YAP1: variants seen among roughly 807,000 people sequenced by gnomAD.
YAP1 encodes Yes1 associated transcriptional regulator.
Under a neutral mutation model 56.9 loss-of-function variants are expected in YAP1, and 5 were observed. The observed-to-expected ratio is 0.09, with a 90% confidence interval of 0.05 to 0.18. The LOEUF (loss-of-function observed/expected upper bound fraction) is 0.18, where lower values mean the gene tolerates loss of function less well. Among genes scored for constraint, YAP1 ranks in the 10% least tolerant of loss-of-function variants. YAP1 has a pLI of 1.00. For synonymous variants in YAP1, 265 were observed against 248.1 expected, an observed-to-expected ratio of 1.07 and a Z score of -0.64; for missense variants, 539 against 651.8, an observed-to-expected ratio of 0.83 and a Z score of 1.88.
chr11:102,170,404 A>G (rs1259289285), intron 3 of YAP1, among the ~76,000 whole-genome samples: 4 of 152,192 alleles, frequency 2.6e-5, no homozygotes, highest in Non-Finnish European at 4.4e-5. Context: ...CACAGTAACT[A>G]TCTAAATCTC....
intron 3 of YAP1, among the ~76,000 whole-genome samples, chr11:102,170,998 T>C (rs1385378848): frequency 6.6e-6 from 1 of 151,576 alleles, no homozygotes; most frequent in Non-Finnish European, 1.5e-5. Context: ...AAAATTTAGA[T>C]CCATGAGTAT....
At chr11:102,111,540 G>C (rs1942910227) in intron 1 of YAP1, among the ~76,000 whole-genome samples, 2 of 151,832 alleles carry the variant, frequency 1.3e-5, no homozygotes, top group Admixed American at 6.6e-5. Context: ...CCTGGGCCGC[G>C]GTGGGCTTGC....
intron 4 of YAP1, among the ~76,000 whole-genome samples, chr11:102,194,699 G>A (rs1253075251): frequency 6.6e-6 from 1 of 152,118 alleles, no homozygotes; most frequent in Non-Finnish European, 1.5e-5. Flanking sequence ...TTTCAAAAAG[G>A]CACATAGGAA....
At chr11:102,225,307 G>A (rs965972830) in intron 7 of YAP1, among the ~76,000 whole-genome samples, 2 of 152,020 alleles carry the variant, frequency 1.3e-5, no homozygotes, top group Non-Finnish European at 1.5e-5. Context: ...CCAACATGGC[G>A]AAACCCCATC....
At position 102,168,094 on chromosome 11, in the gene YAP1, T is replaced by C. The variant is rs1052241523; in HGVS notation, c.688+5523T>C. Among the ~76,000 whole-genome samples the C allele has an allele frequency of 7.9e-5, 12 of 152,310 alleles. No homozygotes were observed. The South Asian group carries it at 2.1e-3, about 26-fold the overall frequency. ...GTTATTATATATAATAGCCTTTTGA[T>C]GCCTGCTTAGGATCCGTAGTTTTTC... is the stretch of plus-strand genomic sequence containing the variant. On this transcript the variant is annotated intron_variant, in intron 3 of 8. Transcript: ENST00000282441.
At chr11:102,117,803 C>T (rs1943384798) in intron 2 of YAP1, among the ~76,000 whole-genome samples, 1 of 152,198 alleles carries the variant, frequency 6.6e-6, no homozygotes, top group Admixed American at 6.5e-5. Context: ...ACTACATTTA[C>T]TATTCAAAAC....
At chr11:102,136,368 A>G (rs1239646177) in intron 2 of YAP1, among the ~76,000 whole-genome samples, 1 of 147,950 alleles carries the variant, frequency 6.8e-6, no homozygotes, top group Non-Finnish European at 1.5e-5. Flanking sequence ...TTTTTAAAAC[A>G]GGGTCTCCGT....
At chr11:102,127,051 T>C (rs910376756) in intron 2 of YAP1, among the ~76,000 whole-genome samples, 1 of 152,206 alleles carries the variant, frequency 6.6e-6, no homozygotes, top group Non-Finnish European at 1.5e-5. Context: ...AAAAGGTGAC[T>C]TGGGTGCTGT....
chr11:102,117,792 T>G (rs1943383752), intron 2 of YAP1, among the ~76,000 whole-genome samples: 1 of 152,246 alleles, frequency 6.6e-6, no homozygotes, highest in Non-Finnish European at 1.5e-5. Context: ...ATATTTGTTC[T>G]ACTACATTTA....
chr11:102,115,550 TAC>T (rs1172987249), intron 2 of YAP1, among the ~76,000 whole-genome samples: 1 of 123,778 alleles, frequency 8.1e-6, no homozygotes. Context: ...GAAAAGTTCG[TAC>T]AGTTTTTTTT....
intron 4 of YAP1, among the ~76,000 whole-genome samples, chr11:102,203,200 A>G (rs1260563714): frequency 6.6e-6 from 1 of 152,172 alleles, no homozygotes; most frequent in African/African-American, 2.4e-5. Context: ...ATGAATTTGC[A>G]TTTCTAAAAC....
At chr11:102,193,887 G>A (rs1948435701) in intron 4 of YAP1, among the ~76,000 whole-genome samples, 1 of 148,802 alleles carries the variant, frequency 6.7e-6, no homozygotes, top group Admixed American at 6.8e-5. Context: ...CGCCCAGGCT[G>A]GAGTGCAGTG....
In YAP1 at chr11:102,230,093, CT is replaced by C. The variant is rs2135730653; in HGVS notation, c.*155del. ...ACTTTAATCCTCTATTTTGCTCTTC[CT>C]TGTCCATTGCTGCTGTTAATGTATT... On this transcript the variant is annotated 3_prime_UTR_variant, in exon 9 of 9. Coordinates refer to ENST00000282441, the MANE Select transcript of YAP1 (RefSeq NM_001130145.3). 3.0e-6 allele frequency: 2 copies of C among 661,808 alleles called. No homozygotes were observed. Among genetic ancestry groups the C allele is most frequent in the South Asian group, 3.9e-5 (2 of 51,096 alleles). 41.0% of individuals were successfully genotyped at this position (661,808 alleles called of 1,614,324 possible).
chr11:102,162,419 T>A, intron 2 of YAP1, 37 bp from the exon 3 acceptor site: 7 of 1,573,496 alleles, frequency 4.4e-6, no homozygotes, highest in Non-Finnish European at 6.1e-6. Context: ...TGGAACCTGG[T>A]ATTTGTTTCC....
At chr11:102,111,660 C>T (rs1386816533) in intron 1 of YAP1, among the ~76,000 whole-genome samples, 1 of 152,154 alleles carries the variant, frequency 6.6e-6, no homozygotes, top group Non-Finnish European at 1.5e-5. Flanking sequence ...CCAGCGGCGG[C>T]CGAGTTTGTG....
At chr11:102,210,235 G>T (rs1330048926) in intron 6 of YAP1, among the ~76,000 whole-genome samples, 1 of 152,180 alleles carries the variant, frequency 6.6e-6, no homozygotes, top group African/African-American at 2.4e-5. Context: ...AAACCAAAAA[G>T]ATTTTAGGTG....
intron 1 of YAP1, 131 bp from the exon 2 acceptor site, chr11:102,114,013 C>T (rs1943126022): frequency 5.0e-6 from 4 of 806,970 alleles, no homozygotes; most frequent in South Asian, 3.0e-5. Flanking sequence ...TCTCCAGTGT[C>T]GAATATTAAA....
chr11:102,176,546 A>T (rs1947258077), intron 3 of YAP1, among the ~76,000 whole-genome samples: 1 of 151,820 alleles, frequency 6.6e-6, no homozygotes, highest in Non-Finnish European at 1.5e-5. Context: ...GGAGTTTGAG[A>T]CCAGCCTGGC....
intron 2 of YAP1, among the ~76,000 whole-genome samples, chr11:102,150,499 A>G (rs577681913): frequency 2.2e-4 from 34 of 152,152 alleles, no homozygotes; most frequent in African/African-American, 7.7e-4. Flanking sequence ...TCAGTTACCA[A>G]TTAAGCCTGC....
Sources: allele counts gnomAD v4.1 joint callset (sites outside exome capture counted in the v4.1 genomes callset), GRCh38; gene constraint gnomAD v4.1.1; transcripts MANE v1.5; gene names NCBI Gene and HGNC (gene_info 2026-07-23, HGNC 2026-07-21).